The following SCN1A variants were observed in gnomAD, a reference collection of about 807,000 sequenced individuals.
The protein encoded by SCN1A is sodium channel protein type 1 subunit alpha.
Under a neutral mutation model 193.7 loss-of-function variants are expected in SCN1A, and 13 were observed. The ratio of observed to expected loss-of-function variants is 0.07; its 90% confidence interval spans 0.04 to 0.11. SCN1A has a LOEUF of 0.11. Among genes scored for constraint, SCN1A ranks in the 10% least tolerant of loss-of-function variants. The pLI is 1.00. For synonymous variants in SCN1A, 781 were observed against 843.6 expected, an observed-to-expected ratio of 0.93 and a Z score of 1.29; for missense variants, 1,432 against 2,451.1, an observed-to-expected ratio of 0.58 and a Z score of 8.78.
Position 166,036,117 on chromosome 2 carries a change from T to C in SCN1A, c.3360A>G (p.Gly1120=). The C allele has an allele frequency of 1.2e-6, 2 of 1,613,996 alleles. No homozygotes were observed. ...TGTTTAAATTTTCAAAGTCAGATTC[T>C]CCTACAGCAATTGGTACAGTCACAG... is the stretch of plus-strand genomic sequence containing the variant. ...SLTVTVPIAV[G]ESDFENLNTE... is the part of the protein sequence containing the mutation. The change falls in exon 19 of 29, where the codon GGA becomes GGG. Residue 1120 remains glycine (G), a synonymous_variant. Transcript: ENST00000674923.
chr2:166,014,141 A>G (rs546222193), intron 20 of SCN1A, among the ~76,000 whole-genome samples: 1 of 151,762 alleles, frequency 6.6e-6, no homozygotes, highest in Non-Finnish European at 1.5e-5. Flanking sequence ...TTATTGTCCA[A>G]GAGAAACTTT....
In SCN1A at chr2:165,998,101, G is replaced by A. The variant is rs1264769313; in HGVS notation, c.4413C>T (p.Ser1471=). ...CAATAAACAGGTTCAAGGTGAAGAA[G>A]GACCCAAAGATGATGAAAATAACAA... ...LYFVIFIIFG[S]FFTLNLFIGV... Residue 1471 remains serine (S), a synonymous_variant, in exon 26 of 29, where the codon TCC becomes TCT. Transcript: ENST00000674923. 3 of 1,604,814 alleles carry A rather than the reference G, an allele frequency of 1.9e-6. No individual in the cohort carries two copies. The South Asian group carries it at 3.3e-5, about 18-fold the overall frequency.
intron 2 of SCN1A, among the ~76,000 whole-genome samples, chr2:166,090,898 T>C (rs73026835): frequency 0.019 from 2,877 of 152,348 alleles, 94 homozygotes; most frequent in African/African-American, 0.066. Context: ...TTAAATTTCA[T>C]TTTCCTAAGA....
At chr2:166,066,617 T>A (rs1265321724) in intron 4 of SCN1A, among the ~76,000 whole-genome samples, 1 of 152,162 alleles carries the variant, frequency 6.6e-6, no homozygotes, top group African/African-American at 2.4e-5. Context: ...AGTATTGGAA[T>A]TTTCAGGTTC....
rs555332331 is a variant in SCN1A, at chr2:166,115,861, C to T, written c.-142+11063G>A. Among the ~76,000 whole-genome samples, 66 of 152,190 alleles carry T rather than the reference C, an allele frequency of 4.3e-4. 1 individual carries two copies. Among genetic ancestry groups the T allele is most frequent in the African/African-American group, 1.5e-3 (63 of 41,528 alleles). On this transcript the variant is annotated intron_variant, in intron 2 of 28. Transcript: ENST00000674923. Reference sequence around the variant, plus strand: ...TAGCAGAGGAAGACAGGGGAATAAGCACAATAAAGTGCAGTGGGAGAGATG... The same window carrying T: ...TAGCAGAGGAAGACAGGGGAATAAGTACAATAAAGTGCAGTGGGAGAGATG...
intron 2 of SCN1A, among the ~76,000 whole-genome samples, chr2:166,080,166 A>T (rs2106013638): frequency 6.6e-6 from 1 of 151,830 alleles, no homozygotes; most frequent in Middle Eastern, 3.4e-3. Flanking sequence ...TATTCTAAAA[A>T]TTTATAACAG....
At chr2:166,084,272 C>A (rs1255287752) in intron 2 of SCN1A, among the ~76,000 whole-genome samples, 1 of 150,232 alleles carries the variant, frequency 6.7e-6, no homozygotes, top group Non-Finnish European at 1.5e-5. Flanking sequence ...CTGTCCTCTC[C>A]CCACCCCTTC....
chr2:166,044,390 A>G (rs1697544290), intron 13 of SCN1A, among the ~76,000 whole-genome samples: 1 of 152,166 alleles, frequency 6.6e-6, no homozygotes. Flanking sequence ...GTAAACATTC[A>G]GTGAACACTG....
chr2:166,144,615 C>A (rs1692229915), intron 1 of SCN1A, among the ~76,000 whole-genome samples: 1 of 152,138 alleles, frequency 6.6e-6, no homozygotes, highest in Non-Finnish European at 1.5e-5. Context: ...CTGGTAATCT[C>A]TCTGAAGGTC....
chr2:166,015,567 A>G, intron 20 of SCN1A, 40 bp downstream of exon 20: 1 of 1,610,694 alleles, frequency 6.2e-7, no homozygotes, highest in Non-Finnish European at 8.5e-7. Context: ...AACAAGCTGC[A>G]CTCCAAATGA....
At chr2:166,078,378 T>C (rs1452557005) in intron 2 of SCN1A, among the ~76,000 whole-genome samples, 1 of 147,260 alleles carries the variant, frequency 6.8e-6, no homozygotes, top group Non-Finnish European at 1.5e-5. Flanking sequence ...TTTTCCTAAA[T>C]TAATTTTCTT....
chr2:166,118,615 A>G (rs1351475707), intron 2 of SCN1A, among the ~76,000 whole-genome samples: 1 of 152,074 alleles, frequency 6.6e-6, no homozygotes, highest in Non-Finnish European at 1.5e-5. Context: ...ACTGACATAC[A>G]TAGCCCAAAA....
Position 166,141,380 on chromosome 2 carries a change from T to C in SCN1A, c.-50+7667A>G, listed in dbSNP as rs144203712. 3.4e-3 allele frequency among the ~76,000 whole-genome samples: 514 copies of C among 152,210 alleles called. 6 individuals are homozygous for C. The highest frequency in any genetic ancestry group is 0.011 in the African/African-American group (474 of 41,518). On this transcript the variant is annotated intron_variant, in intron 1 of 26. Transcript: ENST00000635750. Reference sequence around the variant, plus strand: ...CTGAAATATACGTGTTTTATATTTTTCTTTTTTTTATAAATAACATTGTAC... The same window carrying C: ...CTGAAATATACGTGTTTTATATTTTCCTTTTTTTTATAAATAACATTGTAC...
intron 2 of SCN1A, among the ~76,000 whole-genome samples, chr2:166,102,508 A>G (rs1179048294): frequency 1.0e-5 from 1 of 98,478 alleles, no homozygotes; most frequent in Non-Finnish European, 2.5e-5. Flanking sequence ...CTCAAAAAAA[A>G]AAAAAAGAAA....
intron 26 of SCN1A, chr2:165,996,366 G>A (rs751975893): frequency 6.0e-6 from 2 of 335,474 alleles, no homozygotes; most frequent in Non-Finnish European, 1.1e-5. Context: ...ATCTCAAAAA[G>A]GTTAAGTATT....
intron 4 of SCN1A, among the ~76,000 whole-genome samples, chr2:166,066,582 G>A (rs1179500702): frequency 6.6e-6 from 1 of 152,076 alleles, no homozygotes; most frequent in Non-Finnish European, 1.5e-5. Context: ...GAACATTTCT[G>A]TTTCTCCAAA....
At chr2:166,123,185 C>A (rs543389192) in intron 2 of SCN1A, among the ~76,000 whole-genome samples, 6 of 98,590 alleles carry the variant, frequency 6.1e-5, no homozygotes, top group Admixed American at 5.9e-4. Context: ...TGATGTTTAT[C>A]AAATTATTTT....
At chr2:166,095,594 A>G (rs1311563570) in intron 2 of SCN1A, among the ~76,000 whole-genome samples, 1 of 152,212 alleles carries the variant, frequency 6.6e-6, no homozygotes, top group Admixed American at 6.5e-5. Context: ...GTTAAATAAA[A>G]GAGCCTTATT....
intron 19 of SCN1A, among the ~76,000 whole-genome samples, chr2:166,023,438 T>G (rs188023219): frequency 1.8e-3 from 270 of 152,380 alleles, no homozygotes; most frequent in Non-Finnish European, 2.9e-3. Context: ...GCTCAAATAA[T>G]TCTTCCTTTA....
Sources: gnomAD v4.1 joint callset for allele counts (sites outside exome capture counted in the v4.1 genomes callset) on GRCh38, gnomAD v4.1.1 for gene constraint, MANE v1.5 for transcripts, NCBI Gene and HGNC (gene_info 2026-07-23, HGNC 2026-07-21) for gene names.